Variants in RBMS3 observed in about 807,000 individuals in gnomAD.
RBMS3 encodes RNA-binding motif, single-stranded-interacting protein 3.
In RBMS3, 27 loss-of-function variants were observed where a neutral mutation model predicts 66.8. That is an observed-to-expected ratio of 0.40 (90% CI 0.30 to 0.56). RBMS3 has a LOEUF of 0.56. RBMS3 is among the 20% of genes least tolerant of loss of function. The probability of loss-of-function intolerance (pLI) is 0.40; values close to 1 mark genes in which losing one functional copy is unlikely to be tolerated. For missense variants in RBMS3, 513 were observed against 549.5 expected (o/e 0.93, Z 0.66); for synonymous variants, 188 against 183.0 (o/e 1.03, Z -0.22).
intron 3 of RBMS3, among the ~76,000 whole-genome samples, chr3:29,565,021 G>T (rs2149055775): frequency 6.6e-6 from 1 of 152,230 alleles, no homozygotes; most frequent in African/African-American, 2.4e-5. Flanking sequence ...TCTCCTAAGG[G>T]CAGAAATTAA....
chr3:29,765,755 T>A (rs2055895644), intron 6 of RBMS3: 1 of 152,142 alleles, frequency 6.6e-6, no homozygotes, highest in Admixed American at 6.6e-5. Context: ...TATTAGTTTG[T>A]TTTCATGCTG....
chr3:30,001,935 C>T (rs1699633763), intron 14 of RBMS3, among the ~76,000 whole-genome samples: 1 of 151,904 alleles, frequency 6.6e-6, no homozygotes, highest in African/African-American at 2.4e-5. Context: ...TGTAAATGTG[C>T]ACATTCACAT....
intron 4 of RBMS3, among the ~76,000 whole-genome samples, chr3:29,637,041 A>G (rs2049503197): frequency 1.3e-5 from 2 of 151,914 alleles, no homozygotes; most frequent in South Asian, 4.1e-4. Flanking sequence ...ATGAGGCTGG[A>G]GAAAGTTTCT....
chr3:29,643,862 A>T (rs1403295906), intron 4 of RBMS3, among the ~76,000 whole-genome samples: 1 of 152,136 alleles, frequency 6.6e-6, no homozygotes, highest in Non-Finnish European at 1.5e-5. Context: ...AAAAAGGAAA[A>T]CACACACACA....
At chr3:29,696,533 G>T (rs879782614) in intron 4 of RBMS3, among the ~76,000 whole-genome samples, 2 of 152,178 alleles carry the variant, frequency 1.3e-5, no homozygotes, top group Non-Finnish European at 2.9e-5. Context: ...GGAAAGGATA[G>T]ATCTTTTGTT....
intron 4 of RBMS3, among the ~76,000 whole-genome samples, chr3:29,701,494 A>T (rs2052573456): frequency 6.6e-6 from 1 of 152,062 alleles, no homozygotes; most frequent in Non-Finnish European, 1.5e-5. Flanking sequence ...GGAGCCCTTC[A>T]GCCTGCTGCT....
intron 6 of RBMS3, among the ~76,000 whole-genome samples, chr3:29,852,256 A>C (rs2149520561): frequency 6.6e-6 from 1 of 152,328 alleles, no homozygotes; most frequent in Non-Finnish European, 1.5e-5. Flanking sequence ...GAATGGGCAA[A>C]GATTTCATGA....
chr3:29,718,349 C>T (rs1160701), intron 4 of RBMS3, among the ~76,000 whole-genome samples: 4,479 of 151,770 alleles, frequency 0.03, 204 homozygotes, highest in African/African-American at 0.099. Context: ...TTCAAAGCAG[C>T]CCACGAGGCA....
intron 4 of RBMS3, among the ~76,000 whole-genome samples, chr3:29,590,363 T>C (rs2047685000): frequency 6.6e-6 from 1 of 152,120 alleles, no homozygotes; most frequent in African/African-American, 2.4e-5. Flanking sequence ...AAGAATTTAG[T>C]AAATGTTAGT....
intron 1 of RBMS3, among the ~76,000 whole-genome samples, chr3:29,380,287 A>T (rs1450584152): frequency 6.6e-6 from 1 of 152,074 alleles, no homozygotes; most frequent in Non-Finnish European, 1.5e-5. Flanking sequence ...GACATTTCTT[A>T]AAAATATCCT....
intron 8 of RBMS3, among the ~76,000 whole-genome samples, chr3:29,886,913 A>G (rs748883389): frequency 2.6e-5 from 4 of 151,842 alleles, no homozygotes; most frequent in Non-Finnish European, 5.9e-5. Context: ...TCAATCATGC[A>G]TTAAGCAAGT....
chr3:29,346,947 T>G (rs2036611859), intron 1 of RBMS3, among the ~76,000 whole-genome samples: 2 of 152,206 alleles, frequency 1.3e-5, no homozygotes, highest in African/African-American at 4.8e-5. Context: ...TGACCATATG[T>G]TTCTAACTAA....
At position 30,009,342 on chromosome 3, in the gene RBMS3, ATTATT is replaced by A. The variant is rs1435336827; in HGVS notation, c.*5487_*5491del. The A allele has an allele frequency of 7.9e-5, 12 of 152,206 alleles. No homozygotes were observed. The East Asian group carries it at 2.1e-3, about 27-fold the overall frequency. The allele number at this position is 152,206 out of a possible 1,614,324, so 9.4% of individuals were successfully genotyped here. On this transcript the variant is annotated 3_prime_UTR_variant, in exon 15 of 15. Coordinates refer to ENST00000383767, the MANE Select transcript of RBMS3 (RefSeq NM_001003793.3). ...AACAAACAATTGGAAATAAAATTTG[ATTATT>A]TTATTTCTTATAAAGTATTAATTTC...
chr3:29,336,469 AC>A (rs1475862305), intron 1 of RBMS3, among the ~76,000 whole-genome samples: 1 of 151,556 alleles, frequency 6.6e-6, no homozygotes, highest in Non-Finnish European at 1.5e-5. Flanking sequence ...GAAAAAAAAA[AC>A]CATAATCAAC....
rs117577122 is a variant in RBMS3 at position 29,625,196 on chromosome 3, G to A, written c.399+37991G>A. ...TTCTTTATAAATTACCCAGTCTCAG[G>A]TAGTTCTCTATAGTAGTGTGAAAAT... is the stretch of plus-strand genomic sequence containing the variant. On this transcript the variant is annotated intron_variant, in intron 4 of 14. Coordinates refer to ENST00000383767, the MANE Select transcript of RBMS3 (RefSeq NM_001003793.3). Among the ~76,000 whole-genome samples, 1,094 of 152,198 alleles carry A rather than the reference G, an allele frequency of 7.2e-3. 29 individuals are homozygous for A. The highest frequency in any genetic ancestry group is 0.057 in the Admixed American group (870 of 15,284).
chr3:29,379,584 A>G (rs999775289), intron 1 of RBMS3, among the ~76,000 whole-genome samples: 1 of 152,186 alleles, frequency 6.6e-6, no homozygotes, highest in African/African-American at 2.4e-5. Context: ...ATCAGATGTC[A>G]TGAGACTTAC....
rs183925753 is a variant in RBMS3 at position 29,745,914 on chromosome 3, G to T, written c.557+6037G>T. On this transcript the variant is annotated intron_variant, in intron 5 of 14. Coordinates refer to ENST00000383767, the MANE Select transcript of RBMS3 (RefSeq NM_001003793.3). ...TTCATTAAGTAAAAAAAAAAAGATG[G>T]GTATAGGCATACAAATACTAGCCTG... 4.4e-4 allele frequency among the ~76,000 whole-genome samples: 67 copies of T among 151,288 alleles called. No individual in the cohort carries two copies. The East Asian group carries it at 0.011, about 26-fold the overall frequency.
chr3:29,515,988 G>C (rs559609849), intron 3 of RBMS3, among the ~76,000 whole-genome samples: 1 of 152,184 alleles, frequency 6.6e-6, no homozygotes, highest in Admixed American at 6.5e-5. Context: ...CGTCAAAATT[G>C]ATATTGGAAT....
chr3:29,801,953 C>T (rs572498607), intron 6 of RBMS3, among the ~76,000 whole-genome samples: 1 of 152,278 alleles, frequency 6.6e-6, no homozygotes, highest in East Asian at 1.9e-4. Context: ...ATGGGAGCTG[C>T]TATCATATTT....
Sources: allele counts gnomAD v4.1 joint callset (sites outside exome capture counted in the v4.1 genomes callset), GRCh38; gene constraint gnomAD v4.1.1; transcripts MANE v1.5; gene names NCBI Gene and HGNC (gene_info 2026-07-23, HGNC 2026-07-21).